Variants in IQGAP2 observed in about 807,000 individuals in gnomAD.
IQGAP2 encodes ras GTPase-activating-like protein IQGAP2.
IQGAP2 carries 173 observed loss-of-function variants against 201.3 expected under a neutral mutation model. The ratio of observed to expected loss-of-function variants is 0.86; its 90% confidence interval spans 0.76 to 0.98. The LOEUF (loss-of-function observed/expected upper bound fraction) is 0.98, where lower values mean the gene tolerates loss of function less well. IQGAP2 is among the 50% of genes least tolerant of loss of function. IQGAP2 has a pLI of 0.00. For missense variants in IQGAP2, 1,687 were observed against 1,864.8 expected, an observed-to-expected ratio of 0.90 and a Z score of 1.76; for synonymous variants, 675 against 673.9, an observed-to-expected ratio of 1.00 and a Z score of -0.03.
At chr5:76,578,236 A>G (rs910839279) in intron 5 of IQGAP2, among the ~76,000 whole-genome samples, 6 of 152,124 alleles carry the variant, frequency 3.9e-5, no homozygotes, top group Admixed American at 1.3e-4. Context: ...GCCAGACTCC[A>G]TGAACATTAC....
At chr5:76,484,220 G>C (rs1369189319) in intron 2 of IQGAP2, among the ~76,000 whole-genome samples, 1 of 152,108 alleles carries the variant, frequency 6.6e-6, no homozygotes, top group Admixed American at 6.5e-5. Flanking sequence ...ACTCAAAATA[G>C]AGCATGTAAT....
At chr5:76,524,491 T>C (rs1449709810) in intron 2 of IQGAP2, among the ~76,000 whole-genome samples, 1 of 152,158 alleles carries the variant, frequency 6.6e-6, no homozygotes, top group Non-Finnish European at 1.5e-5. Flanking sequence ...AAAATTCTGA[T>C]TGTGGGAAAA....
At chr5:76,668,567 G>T (rs1181328655) in intron 22 of IQGAP2, 114 bp from the exon 23 acceptor site, 2 of 777,014 alleles carry the variant, frequency 2.6e-6, no homozygotes, top group Non-Finnish European at 4.2e-6. Context: ...TATGCTTTTA[G>T]TGACATTAAG....
At chr5:76,498,130 C>T (rs948489050) in intron 2 of IQGAP2, among the ~76,000 whole-genome samples, 1 of 152,114 alleles carries the variant, frequency 6.6e-6, no homozygotes, top group Non-Finnish European at 1.5e-5. Flanking sequence ...CTGTGCAGTC[C>T]CCACCATGGA....
intron 2 of IQGAP2, among the ~76,000 whole-genome samples, chr5:76,464,100 G>A (rs951473946): frequency 4.6e-5 from 7 of 151,994 alleles, no homozygotes; most frequent in African/African-American, 9.7e-5. Context: ...CGCCCACCTC[G>A]GCTCCCAAAG....
At chr5:76,420,617 C>T (rs1261818314) in intron 1 of IQGAP2, among the ~76,000 whole-genome samples, 3 of 152,122 alleles carry the variant, frequency 2.0e-5, no homozygotes, top group Admixed American at 6.6e-5. Context: ...CCTTGTGATC[C>T]GCCCACCTTG....
intron 1 of IQGAP2, among the ~76,000 whole-genome samples, chr5:76,438,037 T>TTG (rs1220410117): frequency 0.078 from 6,344 of 80,886 alleles, 289 homozygotes; most frequent in African/African-American, 0.25. Context: ...TTTTGTTTGT[T>TTG]TTTTTTTTTG....
chr5:76,632,678 C>G (rs1390250518), intron 15 of IQGAP2, among the ~76,000 whole-genome samples: 1 of 152,054 alleles, frequency 6.6e-6, no homozygotes, highest in Non-Finnish European at 1.5e-5. Flanking sequence ...CTACTATTTC[C>G]TAGTGTCAAG....
chr5:76,457,251 A>T (rs1218329618), intron 1 of IQGAP2, among the ~76,000 whole-genome samples: 2 of 152,072 alleles, frequency 1.3e-5, no homozygotes, highest in African/African-American at 4.8e-5. Context: ...GGCCTCCCAA[A>T]GTGGTGGGAG....
Position 76,403,691 on chromosome 5 carries a change from G to A in IQGAP2, c.46+100G>A. The A allele has an allele frequency of 9.5e-7, 1 of 1,057,008 alleles. No homozygotes were observed. The highest frequency in any genetic ancestry group is 1.3e-6 in the Non-Finnish European group (1 of 782,068). The allele number at this position is 1,057,008 out of a possible 1,614,324, so 65.5% of individuals were successfully genotyped here. On this transcript the variant is annotated intron_variant, in intron 1 of 35. Transcript: ENST00000274364. The surrounding 1 kb of genome is among the most constrained non-coding windows in gnomAD (Gnocchi z 4.8). Reference sequence around the variant, plus strand: ...GAGGGAGCCGGTTGCGCGGCGCAGAGGAAATTGGAAGGCAGCAACTGCGCG... The same window carrying A: ...GAGGGAGCCGGTTGCGCGGCGCAGAAGAAATTGGAAGGCAGCAACTGCGCG...
intron 1 of IQGAP2, among the ~76,000 whole-genome samples, chr5:76,431,079 A>C (rs1580174795): frequency 1.3e-5 from 2 of 152,084 alleles, no homozygotes; most frequent in East Asian, 3.8e-4. Context: ...TAACGTGTAC[A>C]TATATATGTA....
intron 1 of IQGAP2, among the ~76,000 whole-genome samples, chr5:76,455,739 C>A (rs138154275): frequency 2.2e-3 from 329 of 152,244 alleles, no homozygotes; most frequent in African/African-American, 7.6e-3. Context: ...GTATTGGCAG[C>A]CAATCAGGAA....
At chr5:76,586,320 A>G (rs927946596) in intron 5 of IQGAP2, among the ~76,000 whole-genome samples, 2 of 152,100 alleles carry the variant, frequency 1.3e-5, no homozygotes, top group African/African-American at 4.8e-5. Context: ...ATTGAAATTT[A>G]GTATTAAAAC....
rs368104675 is a variant in IQGAP2 at position 76,658,672 on chromosome 5, G to T, written c.2529+5G>T. On this transcript the variant is annotated splice_donor_5th_base_variant and intron_variant, in intron 21 of 35. Transcript: ENST00000274364. ...AAGAACAGGATCACACTAGAGGTCA[G>T]TGGGGTTTTTGGGACTGTCAGCTCC... 1 of 1,613,086 alleles carries T rather than the reference G, an allele frequency of 6.2e-7. No homozygotes were observed. Among genetic ancestry groups the T allele is most frequent in the African/African-American group, 1.3e-5 (1 of 74,884 alleles).
intron 1 of IQGAP2, among the ~76,000 whole-genome samples, chr5:76,438,570 G>A (rs556641429): frequency 6.6e-6 from 1 of 152,134 alleles, no homozygotes; most frequent in African/African-American, 2.4e-5. Context: ...AGCCTCCCGA[G>A]CAGCTGGGAT....
In IQGAP2 at chr5:76,637,119, G is replaced by A. The variant is rs922375218; in HGVS notation, c.1866G>A (p.Trp622Ter). 113 of 1,611,418 alleles carry A rather than the reference G, an allele frequency of 7.0e-5. No individual in the cohort carries two copies. The highest frequency in any genetic ancestry group is 9.0e-5 in the Non-Finnish European group (106 of 1,178,318). ...ACACTGATTCAAAAGAGAGTTCCTG[G>A]GTCACACCTGAATCATGCTTGTATA... The part of the protein sequence containing the change: ...YYNTDSKESS[W>*]VTPESCLYKE... Residue 622 changes from tryptophan (W) to a stop codon, truncating the protein, a stop_gained, in exon 16 of 36, where the codon TGG becomes TGA. Coordinates refer to ENST00000274364, the MANE Select transcript of IQGAP2 (RefSeq NM_006633.5). LOFTEE classifies it high-confidence loss of function.
intron 1 of IQGAP2, among the ~76,000 whole-genome samples, chr5:76,427,905 T>A (rs1752104150): frequency 6.6e-6 from 1 of 152,228 alleles, no homozygotes; most frequent in Admixed American, 6.6e-5. Context: ...CCCTTCTCTG[T>A]GCTGGAGGTG....
At chr5:76,550,834 G>C (rs371582928) in intron 2 of IQGAP2, among the ~76,000 whole-genome samples, 2 of 152,168 alleles carry the variant, frequency 1.3e-5, no homozygotes, top group African/African-American at 4.8e-5. Flanking sequence ...AACCGCCATC[G>C]TCATCATGGC....
At chr5:76,628,794 T>G (rs1750463649) in intron 14 of IQGAP2, 1 of 445,330 alleles carries the variant, frequency 2.2e-6, no homozygotes, top group African/African-American at 2.0e-5. Flanking sequence ...CCTAAGGAAC[T>G]TTGAAGTCTT....
Sources: gnomAD v4.1 joint callset for allele counts (sites outside exome capture counted in the v4.1 genomes callset) on GRCh38, gnomAD v4.1.1 for gene constraint, Gnocchi (gnomAD v3.1) non-coding constraint, MANE v1.5 for transcripts, NCBI Gene and HGNC (gene_info 2026-07-23, HGNC 2026-07-21) for gene names.